Variants in RABGAP1L observed in about 807,000 individuals in gnomAD.
RABGAP1L encodes rab GTPase-activating protein 1-like.
A neutral mutation model predicts 137.7 loss-of-function variants in RABGAP1L; 63 were observed. The ratio of observed to expected loss-of-function variants is 0.46; its 90% CI spans 0.37 to 0.56. RABGAP1L has a LOEUF of 0.56. Ranked by LOEUF, RABGAP1L falls within the 20% of genes least tolerant of loss-of-function variation. RABGAP1L has a pLI of 0.00. For synonymous variants in RABGAP1L, 431 were observed against 433.7 expected (o/e 0.99, Z 0.08); for missense variants, 1,095 against 1,244.0 (o/e 0.88, Z 1.80).
intron 18 of RABGAP1L, among the ~76,000 whole-genome samples, chr1:174,803,057 AT>A (rs373353466): frequency 1.9e-3 from 295 of 151,676 alleles, no homozygotes; most frequent in African/African-American, 6.3e-3. Flanking sequence ...AGATCCCATT[AT>A]TTTTTTTTCA....
In RABGAP1L at chr1:174,455,380, C is replaced by T. The variant is rs149716290; in HGVS notation, c.1710+61235C>T. Among the ~76,000 whole-genome samples, 37 of 152,078 alleles carry T rather than the reference C, an allele frequency of 2.4e-4. No individual in the cohort carries two copies. The East Asian group carries it at 6.9e-3, about 29-fold the overall frequency. On this transcript the variant is annotated intron_variant, in intron 13 of 25. Coordinates refer to ENST00000681986, the MANE Select transcript of RABGAP1L (RefSeq NM_001366446.1). The stretch of plus-strand genomic sequence containing the variant: ...TAAGCAATTGTAAATAAGGTTGATG[C>T]CAGTTAAAAATGGCAAAATATATAT...
chr1:174,521,849 G>A (rs1663421593), intron 13 of RABGAP1L, among the ~76,000 whole-genome samples: 1 of 152,150 alleles, frequency 6.6e-6, no homozygotes, highest in African/African-American at 2.4e-5. Flanking sequence ...GGGAGGTTGA[G>A]GCGGGCGGAT....
chr1:174,327,956 A>AATATAT (rs1180255952), intron 11 of RABGAP1L, among the ~76,000 whole-genome samples: 107 of 97,936 alleles, frequency 1.1e-3, no homozygotes, highest in African/African-American at 3.5e-3. Flanking sequence ...AACAGTTGTA[A>AATATAT]ATATATATAT....
At chr1:174,698,521 C>A (rs953720302) in intron 15 of RABGAP1L, among the ~76,000 whole-genome samples, 2 of 152,124 alleles carry the variant, frequency 1.3e-5, no homozygotes, top group African/African-American at 4.8e-5. Flanking sequence ...GTGCTCTACC[C>A]CACCCCATTT....
chr1:174,618,021 A>G (rs899045707), intron 13 of RABGAP1L, among the ~76,000 whole-genome samples: 4 of 152,212 alleles, frequency 2.6e-5, no homozygotes, highest in Admixed American at 6.5e-5. Flanking sequence ...GGAGGGTCCT[A>G]TGCCCACGGA....
chr1:174,376,826 A>G (rs937915429), intron 12 of RABGAP1L, among the ~76,000 whole-genome samples: 3 of 152,178 alleles, frequency 2.0e-5, no homozygotes, highest in African/African-American at 4.8e-5. Context: ...CTCTTACTCA[A>G]CTTAGTACTA....
intron 10 of RABGAP1L, among the ~76,000 whole-genome samples, chr1:174,292,180 G>T (rs1331961391): frequency 6.6e-6 from 1 of 150,772 alleles, no homozygotes; most frequent in Non-Finnish European, 1.5e-5. Context: ...TAGGACTACA[G>T]GTACATCCAT....
intron 20 of RABGAP1L, among the ~76,000 whole-genome samples, chr1:174,965,856 ACT>A (rs1310620330): frequency 2.0e-5 from 3 of 152,012 alleles, no homozygotes; most frequent in Non-Finnish European, 4.4e-5. Context: ...CTTTGCAGGG[ACT>A]CTGAGACACT....
chr1:174,596,528 G>A (rs530830078), intron 13 of RABGAP1L, among the ~76,000 whole-genome samples: 4 of 152,068 alleles, frequency 2.6e-5, no homozygotes, highest in South Asian at 4.2e-4. Flanking sequence ...TTCATTGTTG[G>A]CATATTTAAA....
At position 174,352,136 on chromosome 1, in the gene RABGAP1L, A is replaced by G. The variant is rs187793238; in HGVS notation, c.1466-18843A>G. On this transcript the variant is annotated intron_variant, in intron 11 of 25. Coordinates refer to ENST00000681986, the MANE Select transcript of RABGAP1L (RefSeq NM_001366446.1). Reference sequence around the variant, plus strand: ...AAGTACTCTGTTATTATCCCTTTGAATACACATTCTGCAACTGATCTCTCT... The same window carrying G: ...AAGTACTCTGTTATTATCCCTTTGAGTACACATTCTGCAACTGATCTCTCT... Among the ~76,000 whole-genome samples, 421 of 152,210 alleles carry G rather than the reference A, an allele frequency of 2.8e-3. 5 individuals are homozygous for G. Among genetic ancestry groups the G allele is most frequent in the African/African-American group, 9.7e-3 (403 of 41,556 alleles).
intron 11 of RABGAP1L, among the ~76,000 whole-genome samples, chr1:174,306,477 T>C (rs1678261226): frequency 6.6e-6 from 1 of 152,226 alleles, no homozygotes; most frequent in Non-Finnish European, 1.5e-5. Flanking sequence ...TGAGATGGTA[T>C]CTCATTGTGG....
intron 10 of RABGAP1L, among the ~76,000 whole-genome samples, chr1:174,286,889 T>A (rs1366118485): frequency 1.3e-5 from 2 of 152,186 alleles, no homozygotes; most frequent in African/African-American, 4.8e-5. Flanking sequence ...ACCATTGTGG[T>A]CAGAAAAGAT....
intron 10 of RABGAP1L, among the ~76,000 whole-genome samples, chr1:174,303,886 A>C (rs1440626356): frequency 6.6e-6 from 1 of 152,172 alleles, no homozygotes. Flanking sequence ...AAATAAGAAC[A>C]GTTTTATTTC....
intron 13 of RABGAP1L, among the ~76,000 whole-genome samples, chr1:174,461,723 G>C (rs1410836885): frequency 6.6e-6 from 1 of 152,168 alleles, no homozygotes; most frequent in African/African-American, 2.4e-5. Flanking sequence ...GTGCCTTGCT[G>C]TTACCAACTG....
At chr1:174,494,366 C>T (rs1458568090) in intron 13 of RABGAP1L, among the ~76,000 whole-genome samples, 1 of 152,170 alleles carries the variant, frequency 6.6e-6, no homozygotes, top group African/African-American at 2.4e-5. Flanking sequence ...TAGACTTTGA[C>T]ACTCTATTCA....
At chr1:174,195,664 T>TTCC (rs1265986403) in intron 1 of RABGAP1L, among the ~76,000 whole-genome samples, 105 of 103,362 alleles carry the variant, frequency 1.0e-3, no homozygotes, top group African/African-American at 3.8e-3. Context: ...TTTCCTTTCC[T>TTCC]TTCCTTTCCT....
chr1:174,699,500 T>A, intron 15 of RABGAP1L, 25 bp from the exon 16 acceptor site: 1 of 1,588,564 alleles, frequency 6.3e-7, no homozygotes, highest in Non-Finnish European at 8.5e-7. Flanking sequence ...TTATTTATAT[T>A]GTATATGTAT....
chr1:174,434,517 T>C (rs1033547058), intron 13 of RABGAP1L, among the ~76,000 whole-genome samples: 1 of 152,202 alleles, frequency 6.6e-6, no homozygotes, highest in Admixed American at 6.5e-5. Flanking sequence ...GTAGATTTTC[T>C]TTTAATGTCA....
At chr1:174,611,694 A>C (rs961626629) in intron 13 of RABGAP1L, among the ~76,000 whole-genome samples, 2 of 151,450 alleles carry the variant, frequency 1.3e-5, no homozygotes, top group Admixed American at 6.6e-5. Flanking sequence ...ATGAGCATGG[A>C]ATGTTCTTCC....
Sources: allele counts gnomAD v4.1 joint callset (sites outside exome capture counted in the v4.1 genomes callset), GRCh38; gene constraint gnomAD v4.1.1; transcripts MANE v1.5; gene names NCBI Gene and HGNC (gene_info 2026-07-23, HGNC 2026-07-21).